Variants in PGM3 observed in about 807,000 individuals in gnomAD.
PGM3 encodes phosphoglucomutase 3.
In PGM3, 40 loss-of-function variants were observed where a neutral mutation model predicts 66.2. The observed-to-expected ratio is 0.60, with a 90% CI of 0.47 to 0.79. The LOEUF is 0.79. Ranked by LOEUF, PGM3 falls within the 30% of genes least tolerant of loss-of-function variation. PGM3 has a pLI of 0.00. For missense variants in PGM3, 537 were observed against 643.4 expected (o/e 0.83, Z 1.79); for synonymous variants, 191 against 224.2 (o/e 0.85, Z 1.32).
At chr6:83,176,098 C>A in intron 8 of PGM3, 38 bp from the exon 9 acceptor site, 1 of 1,133,478 alleles carries the variant, frequency 8.8e-7, no homozygotes, top group South Asian at 1.2e-5. Context: ...AGCAATTACT[C>A]AGATGTCAAA....
chr6:83,192,779 C>T (rs1315918785), intron 1 of PGM3, among the ~76,000 whole-genome samples: 1 of 152,164 alleles, frequency 6.6e-6, no homozygotes, highest in Non-Finnish European at 1.5e-5. Flanking sequence ...AATGCCTCTG[C>T]GAATGCCTTT....
At chr6:83,153,310 C>T in the PGM3 span, 1 of 357,738 alleles carries the variant, frequency 2.8e-6, no homozygotes, top group Non-Finnish European at 4.9e-6. Context: ...AAGATTTGCC[C>T]ATATTTATAT....
chr6:83,160,111 CG>C (rs1279904077), downstream of PGM3: 6 of 769,510 alleles, frequency 7.8e-6, no homozygotes, highest in African/African-American at 1.1e-4. Flanking sequence ...GCAGAGTTAT[CG>C]GAAGTAAATG....
At chr6:83,150,032 C>T in the PGM3 span, among the ~76,000 whole-genome samples, 25 of 152,146 alleles carry the variant, frequency 1.6e-4, no homozygotes, top group African/African-American at 5.1e-4. Flanking sequence ...ACAGCAAATG[C>T]TTAGTGTGGG....
Position 83,165,193 on chromosome 6 carries a change from G to A in PGM3, c.*4041C>T, listed in dbSNP as rs1177414526. On this transcript the variant is annotated 3_prime_UTR_variant, in exon 13 of 13. Coordinates refer to ENST00000513973, the MANE Select transcript of PGM3 (RefSeq NM_015599.3). ...ATGGTACCAGTAATTGAGTAATGGTGGAAATGTGAAAGTCAGTCACAGGAC... is the reference window on the plus strand; with the variant it reads ...ATGGTACCAGTAATTGAGTAATGGTAGAAATGTGAAAGTCAGTCACAGGAC... The A allele has an allele frequency of 2.0e-5, 3 of 153,278 alleles. No individual in the cohort carries two copies. The highest frequency in any genetic ancestry group is 7.2e-5 in the African/African-American group (3 of 41,442). The allele number at this position is 153,278 out of a possible 1,614,324, so 9.5% of individuals were successfully genotyped here.
Position 83,190,937 on chromosome 6 carries a change from C to A in PGM3, c.76G>T (p.Ala26Ser), listed in dbSNP as rs753674211. The change falls in exon 2 of 13, where the codon GCT becomes TCT. Residue 26 changes from alanine (A) to serine (S), a missense_variant. Coordinates refer to ENST00000513973, the MANE Select transcript of PGM3 (RefSeq NM_015599.3). ...PNGLILQYGT[A>S]GFRTKAEHLD... ...TGTTCTGCCTTCGTTCGAAATCCAG[C>A]AGTCCCGTATTGAAGGATCAGTCCA... 1 of 1,614,004 alleles carries A rather than the reference C, an allele frequency of 6.2e-7. No individual in the cohort carries two copies. Among genetic ancestry groups the A allele is most frequent in the Non-Finnish European group, 8.5e-7 (1 of 1,179,996 alleles).
the PGM3 span, among the ~76,000 whole-genome samples, chr6:83,149,473 G>A: frequency 6.6e-6 from 1 of 152,128 alleles, no homozygotes; most frequent in Admixed American, 6.6e-5. Flanking sequence ...GTATTCTGGG[G>A]CAAAGTACCT....
chr6:83,169,429 A>C, intron 12 of PGM3, 106 bp from the exon 13 acceptor site: 1 of 1,310,142 alleles, frequency 7.6e-7, no homozygotes, highest in Non-Finnish European at 1.0e-6. Context: ...GTGATTCTTG[A>C]TTTTGTTTCA....
At chr6:83,188,839 ATGAGGC>A in intron 2 of PGM3, 41 bp from the exon 3 acceptor site, 1 of 1,554,768 alleles carries the variant, frequency 6.4e-7, no homozygotes. Context: ...GTGCATACTC[ATGAGGC>A]TGAGTTGAGA....
the PGM3 span, chr6:83,154,248 A>G: frequency 1.2e-6 from 2 of 1,612,070 alleles, no homozygotes; most frequent in South Asian, 1.1e-5. Context: ...ATGAGTGAGT[A>G]TTACGGGATG....
intron 11 of PGM3, 123 bp from the exon 12 acceptor site, chr6:83,170,601 C>G: frequency 2.6e-6 from 2 of 773,594 alleles, no homozygotes; most frequent in Non-Finnish European, 4.2e-6. Flanking sequence ...ACTTCTTTCT[C>G]CAAGGTCAGG....
chr6:83,152,080 T>C, the PGM3 span: 1 of 1,598,240 alleles, frequency 6.3e-7, no homozygotes, highest in Non-Finnish European at 8.6e-7. Flanking sequence ...ATATATTTAC[T>C]AAGAAATCAT....
At chr6:83,172,757 G>C (rs1787359436) in intron 10 of PGM3, among the ~76,000 whole-genome samples, 1 of 152,152 alleles carries the variant, frequency 6.6e-6, no homozygotes. Flanking sequence ...GCCTCCTTCA[G>C]CTATGATACA....
intron 7 of PGM3, among the ~76,000 whole-genome samples, chr6:83,179,528 G>A (rs1272628682): frequency 6.6e-6 from 1 of 152,046 alleles, no homozygotes; most frequent in East Asian, 1.9e-4. Flanking sequence ...AGTGACCACA[G>A]AACTGTCATC....
At chr6:83,153,617 A>G in the PGM3 span, 1 of 1,583,812 alleles carries the variant, frequency 6.3e-7, no homozygotes, top group East Asian at 2.3e-5. Flanking sequence ...CTCAGAAATC[A>G]CAGGTACTAT....
At position 83,169,222 on chromosome 6, in the gene PGM3, T is replaced by C; in HGVS notation, c.*12A>G. 1 of 1,613,862 alleles carries C rather than the reference T, an allele frequency of 6.2e-7. No individual in the cohort carries two copies. ...TAAAAAGTCCAGTTTCTCAGGAATA[T>C]GAAAATTATCTTCAGAAACCTGGTT... On this transcript the variant is annotated 3_prime_UTR_variant, in exon 13 of 13. Coordinates refer to ENST00000513973, the MANE Select transcript of PGM3 (RefSeq NM_015599.3).
rs1437781680 is a variant in PGM3 at position 83,167,817 on chromosome 6, C to T, written c.*1417G>A. 6.5e-7 allele frequency: 1 copy of T among 1,543,678 alleles called. No homozygotes were observed. Among genetic ancestry groups the T allele is most frequent in the Non-Finnish European group, 8.7e-7 (1 of 1,148,138 alleles). On this transcript the variant is annotated 3_prime_UTR_variant, in exon 13 of 13. Transcript: ENST00000513973. ...TATTTTTAATTTTTCTAACATACCACATTGTCTGTTGTATTAATACCAGTT... is the reference window on the plus strand; with the variant it reads ...TATTTTTAATTTTTCTAACATACCATATTGTCTGTTGTATTAATACCAGTT...
chr6:83,167,319 G>T lies in PGM3; in HGVS notation c.*1915C>A. 8 of 985,484 alleles carry T rather than the reference G, an allele frequency of 8.1e-6. No homozygotes were observed. Among genetic ancestry groups the T allele is most frequent in the Non-Finnish European group, 9.6e-6 (8 of 830,032 alleles). The allele number at this position is 985,484 out of a possible 1,614,324, so 61.0% of individuals were successfully genotyped here. A position where few individuals can be genotyped will look rare whatever the true frequency, so the allele number is the denominator to read the frequency against. ...AGAAGGAGACAGCAGTGTCTCCTGA[G>T]GGATCCCTTCCTTTCTCTGTGATGC... is the stretch of plus-strand genomic sequence containing the variant. On this transcript the variant is annotated 3_prime_UTR_variant, in exon 13 of 13. Transcript: ENST00000513973.
chr6:83,175,974 A>G lies in PGM3; in HGVS notation c.1116T>C (p.Asn372=). 6 of 1,604,784 alleles carry G rather than the reference A, an allele frequency of 3.7e-6. No individual in the cohort carries two copies. Among genetic ancestry groups the G allele is most frequent in the Non-Finnish European group, 5.1e-6 (6 of 1,171,534 alleles). Residue 372 remains asparagine (N), a synonymous_variant, in exon 9 of 13, where the codon AAT becomes AAC. Transcript: ENST00000513973. ...TAAGAGAACTTACAGTGCCATGCCC[A>G]TTTGCTTCAAAATAAACTCCAATGT... is the stretch of plus-strand genomic sequence containing the variant. ...EFDIGVYFEA[N]GHGTALFSTA... is the part of the protein sequence containing the mutation.
Sources: gnomAD v4.1 joint callset for allele counts (sites outside exome capture counted in the v4.1 genomes callset) on GRCh38, gnomAD v4.1.1 for gene constraint, MANE v1.5 for transcripts, NCBI Gene and HGNC (gene_info 2026-07-23, HGNC 2026-07-21) for gene names.